Variants in FRMPD4 observed in about 807,000 individuals in gnomAD.
FRMPD4 encodes FERM and PDZ domain containing 4, also known as FERM and PDZ domain-containing protein 4.
FRMPD4 carries 22 observed loss-of-function variants against 94.1 expected under a neutral mutation model. The observed-to-expected ratio is 0.23, with a 90% CI of 0.17 to 0.33. The LOEUF is 0.33. Ranked by LOEUF, FRMPD4 falls within the 10% of genes least tolerant of loss-of-function variation. The pLI is 1.00. For synonymous variants in FRMPD4, 631 were observed against 548.6 expected, an observed-to-expected ratio of 1.15 and a Z score of -2.10; for missense variants, 1,111 against 1,339.9, an observed-to-expected ratio of 0.83 and a Z score of 2.67.
At chrX:12,376,791 T>G (rs2056244549) in intron 1 of FRMPD4, among the ~76,000 whole-genome samples, 1 of 112,991 alleles carries the variant, frequency 8.9e-6, no homozygotes, top group Non-Finnish European at 1.9e-5. Flanking sequence ...CAGTCTCCTA[T>G]GAGTTTGGTT....
chrX:12,011,788 CATT>C (rs1452995632), intron 3 of FRMPD4, among the ~76,000 whole-genome samples: 4 of 111,744 alleles, frequency 3.6e-5, no homozygotes, highest in East Asian at 2.8e-4. Flanking sequence ...AAATATAAGA[CATT>C]GTTGTCATTT....
intron 3 of FRMPD4, among the ~76,000 whole-genome samples, chrX:12,125,661 A>T (rs1335195411): frequency 8.9e-6 from 1 of 111,743 alleles, no homozygotes; most frequent in Non-Finnish European, 1.9e-5. Context: ...GACAGGGTAA[A>T]GTCCTCCACA....
intron 3 of FRMPD4, among the ~76,000 whole-genome samples, chrX:12,090,135 A>G: frequency 9.0e-6 from 1 of 111,682 alleles, no homozygotes; most frequent in Middle Eastern, 4.6e-3. Context: ...TTGAATTGTA[A>G]TCGCCAAAAT....
At chrX:12,520,284 A>G (rs1274665979) in intron 2 of FRMPD4, among the ~76,000 whole-genome samples, 1 of 112,140 alleles carries the variant, frequency 8.9e-6, no homozygotes. Flanking sequence ...CCAAAGGACA[A>G]ATACTGTAGA....
In FRMPD4 at chrX:12,626,184, C is replaced by A. The variant is rs1380152273; in HGVS notation, c.422+11303C>A. On this transcript the variant is annotated intron_variant, in intron 4 of 16. Transcript: ENST00000675598. ...TCTACAAAAAAATTTTAAAAATTAG[C>A]CAGGCATGGTGGTACACACCTGTAG... 2.7e-5 allele frequency among the ~76,000 whole-genome samples: 3 copies of A among 109,383 alleles called. No homozygotes were observed. The South Asian group carries it at 1.2e-3, about 44-fold the overall frequency. 95.0% of individuals were successfully genotyped at this position (109,383 alleles called of 115,157 possible).
intron 3 of FRMPD4, among the ~76,000 whole-genome samples, chrX:12,100,617 T>C (rs930052017): frequency 8.9e-6 from 1 of 112,127 alleles, no homozygotes; most frequent in African/African-American, 3.2e-5. Flanking sequence ...TATTTGCTAC[T>C]TATTGTTTTC....
intron 1 of FRMPD4, among the ~76,000 whole-genome samples, chrX:12,400,934 T>C: frequency 8.9e-6 from 1 of 112,030 alleles, no homozygotes. Context: ...TCGTGTTTCG[T>C]TGGAGAATGT....
chrX:12,100,271 A>G (rs766069375), intron 3 of FRMPD4, among the ~76,000 whole-genome samples: 24 of 112,279 alleles, frequency 2.1e-4, no homozygotes, highest in African/African-American at 7.7e-4. Context: ...CAGCAATAAT[A>G]CTAAAGCTAG....
intron 3 of FRMPD4, among the ~76,000 whole-genome samples, chrX:11,997,537 G>A (rs2054503039): frequency 9.0e-6 from 1 of 110,798 alleles, no homozygotes; most frequent in African/African-American, 3.3e-5. Context: ...TTTGTTTCTG[G>A]CTGCAACTTG....
chrX:11,889,316 G>A (rs753538598), intron 3 of FRMPD4, among the ~76,000 whole-genome samples: 11 of 112,106 alleles, frequency 9.8e-5, no homozygotes, highest in Non-Finnish European at 1.5e-4. Context: ...TAAGTTAAAT[G>A]TGCATTTTTG....
At chrX:12,245,509 C>T (rs187769497) in intron 1 of FRMPD4, among the ~76,000 whole-genome samples, 360 of 86,740 alleles carry the variant, frequency 4.2e-3, no homozygotes, top group African/African-American at 0.014. Flanking sequence ...TCTCTTATGT[C>T]CTCTTTTTTT....
At chrX:12,650,653 G>C (rs1329751695) in intron 4 of FRMPD4, among the ~76,000 whole-genome samples, 1 of 112,403 alleles carries the variant, frequency 8.9e-6, no homozygotes, top group African/African-American at 3.2e-5. Flanking sequence ...TAATACCTCA[G>C]TAAGATGGGT....
At chrX:12,470,343 A>T (rs1054547478) in intron 1 of FRMPD4, among the ~76,000 whole-genome samples, 1 of 111,707 alleles carries the variant, frequency 9.0e-6, no homozygotes, top group African/African-American at 3.3e-5. Context: ...CCAAAATGTC[A>T]TTTTTTTCAC....
intron 1 of FRMPD4, among the ~76,000 whole-genome samples, chrX:12,358,313 C>T (rs1004551606): frequency 1.8e-5 from 2 of 111,519 alleles, no homozygotes; most frequent in African/African-American, 6.5e-5. Context: ...ACCCCAAGGC[C>T]AGTAGATATG....
At chrX:12,040,613 G>A (rs1379661419) in intron 3 of FRMPD4, among the ~76,000 whole-genome samples, 1 of 88,566 alleles carries the variant, frequency 1.1e-5, no homozygotes, top group Non-Finnish European at 2.1e-5. Context: ...AGGCTGGAGT[G>A]CAATGGTGTG....
At chrX:12,440,040 T>G (rs767673148) in intron 1 of FRMPD4, among the ~76,000 whole-genome samples, 85 of 112,116 alleles carry the variant, frequency 7.6e-4, no homozygotes, top group African/African-American at 2.7e-3. Flanking sequence ...AGCTTTAGTT[T>G]TTTTAAAAAT....
At chrX:12,687,081 G>C (rs1479909965) in intron 7 of FRMPD4, among the ~76,000 whole-genome samples, 1 of 111,345 alleles carries the variant, frequency 9.0e-6, no homozygotes, top group Non-Finnish European at 1.9e-5. Context: ...AATTCTTGTT[G>C]GTTTTTTTAA....
chrX:11,902,636 C>T (rs5978474), intron 3 of FRMPD4, among the ~76,000 whole-genome samples: 41,075 of 109,766 alleles, frequency 0.37, 5,557 homozygotes, highest in East Asian at 0.62. Context: ...AATTTTGGGG[C>T]GAAACAGTCC....
At chrX:12,194,165 G>A (rs1247030143) in intron 1 of FRMPD4, among the ~76,000 whole-genome samples, 1 of 110,827 alleles carries the variant, frequency 9.0e-6, no homozygotes. Context: ...GCAAGTTCAG[G>A]AGGGCCTGTG....
Sources: allele counts gnomAD v4.1 joint callset (sites outside exome capture counted in the v4.1 genomes callset), GRCh38; gene constraint gnomAD v4.1.1; transcripts MANE v1.5; gene names NCBI Gene and HGNC (gene_info 2026-07-23, HGNC 2026-07-21).